Variants in KAZN observed in about 807,000 individuals in gnomAD.
The protein encoded by KAZN is kazrin, periplakin interacting protein.
KAZN carries 40 observed loss-of-function variants against 87.4 expected under a neutral mutation model. The observed-to-expected ratio is 0.46, with a 90% CI of 0.36 to 0.60. The LOEUF (loss-of-function observed/expected upper bound fraction) is 0.60. KAZN is among the 20% of genes least tolerant of loss of function. The pLI, the probability that KAZN is intolerant of heterozygous loss-of-function variation, is 0.00. For missense variants in KAZN, 898 were observed against 1,073.9 expected, an observed-to-expected ratio of 0.84 and a Z score of 2.29; for synonymous variants, 466 against 458.3, an observed-to-expected ratio of 1.02 and a Z score of -0.22.
At chr1:13,966,769 A>AT (rs907312532) in intron 1 of KAZN, among the ~76,000 whole-genome samples, 4 of 152,154 alleles carry the variant, frequency 2.6e-5, no homozygotes, top group African/African-American at 9.7e-5. Flanking sequence ...GGCATTAGGA[A>AT]TTTTTTATAA....
chr1:14,209,184 C>G (rs917050690), intron 2 of KAZN, among the ~76,000 whole-genome samples: 2 of 152,140 alleles, frequency 1.3e-5, no homozygotes, highest in Non-Finnish European at 2.9e-5. Context: ...TGACCCATCA[C>G]AGCAAAGGAA....
intron 2 of KAZN, among the ~76,000 whole-genome samples, chr1:14,328,967 T>C (rs550862510): frequency 6.6e-6 from 1 of 152,056 alleles, no homozygotes; most frequent in Admixed American, 6.6e-5. Flanking sequence ...ATAGAACTCA[T>C]ATTCAGTTCT....
intron 2 of KAZN, among the ~76,000 whole-genome samples, chr1:14,439,535 T>G (rs925400092): frequency 1.3e-5 from 2 of 152,218 alleles, no homozygotes; most frequent in African/African-American, 4.8e-5. Flanking sequence ...TGCTGTTCAC[T>G]TAGAACTTTT....
intron 2 of KAZN, among the ~76,000 whole-genome samples, chr1:14,420,835 A>G (rs1031451320): frequency 1.3e-5 from 2 of 148,854 alleles, no homozygotes; most frequent in African/African-American, 4.9e-5. Context: ...CCAGAACTCA[A>G]GCTGGCCTGG....
intron 2 of KAZN, chr1:14,223,192 G>A (rs2100508539): frequency 6.6e-6 from 1 of 152,312 alleles, no homozygotes; most frequent in Admixed American, 6.5e-5. Context: ...CACAGTCACA[G>A]GACAAAGCAA....
chr1:14,532,886 T>C (rs982096672), intron 2 of KAZN, among the ~76,000 whole-genome samples: 2 of 151,964 alleles, frequency 1.3e-5, no homozygotes, highest in Non-Finnish European at 2.9e-5. Context: ...GACATTTGGG[T>C]TGGTTCCAAG....
At chr1:14,864,070 C>T (rs1557567239) in intron 1 of KAZN, among the ~76,000 whole-genome samples, 1 of 152,212 alleles carries the variant, frequency 6.6e-6, no homozygotes. Context: ...ATCAGCTCGA[C>T]TCAGTGAGAG....
intron 2 of KAZN, among the ~76,000 whole-genome samples, chr1:14,337,893 C>CAAA (rs34909839): frequency 2.0e-5 from 2 of 100,568 alleles, no homozygotes; most frequent in Non-Finnish European, 2.1e-5. Flanking sequence ...GACTCTGTCT[C>CAAA]AAAAAAAAAA....
In KAZN at chr1:14,849,105, C is replaced by T. The variant is rs372289106; in HGVS notation, c.227-111579C>T. Among the ~76,000 whole-genome samples, 46 of 152,206 alleles carry T rather than the reference C, an allele frequency of 3.0e-4. 1 individual carries two copies. In the South Asian group the frequency reaches 8.3e-3, roughly 28 times the overall value. ...CTGAGCTCCCCTTGTTCGGCCACTCCCAGGGGAAAGTAGGATGTTTTGAGT... is the reference window on the plus strand; with the variant it reads ...CTGAGCTCCCCTTGTTCGGCCACTCTCAGGGGAAAGTAGGATGTTTTGAGT... On this transcript the variant is annotated intron_variant, in intron 1 of 14. Transcript: ENST00000376030.
chr1:14,246,982 A>G lies in KAZN; in HGVS notation c.249+66390A>G, dbSNP rs114972067. On this transcript the variant is annotated intron_variant, in intron 2 of 16. Coordinates refer to the KAZN transcript ENST00000636203. ...ATTATTTTCCAAAGTGGTTTTTACCAGTCTATAGTTTGTTCGGTACTATAT... is the reference window on the plus strand; with the variant it reads ...ATTATTTTCCAAAGTGGTTTTTACCGGTCTATAGTTTGTTCGGTACTATAT... 7.1e-3 allele frequency among the ~76,000 whole-genome samples: 1,078 copies of G among 152,286 alleles called. 8 individuals are homozygous for G. Among genetic ancestry groups the G allele is most frequent in the Non-Finnish European group, 0.011 (775 of 68,020 alleles).
chr1:14,526,644 T>C (rs1671881426), intron 2 of KAZN, among the ~76,000 whole-genome samples: 1 of 152,228 alleles, frequency 6.6e-6, no homozygotes, highest in Non-Finnish European at 1.5e-5. Flanking sequence ...ACTTCAGCCA[T>C]TTTCCAGTTT....
At chr1:14,368,785 C>T (rs936858861) in intron 2 of KAZN, among the ~76,000 whole-genome samples, 3 of 152,192 alleles carry the variant, frequency 2.0e-5, no homozygotes, top group African/African-American at 7.2e-5. Flanking sequence ...GCAACTCACT[C>T]AATTTACAGC....
At chr1:14,837,550 A>ATTTTTT (rs1164233693) in intron 1 of KAZN, among the ~76,000 whole-genome samples, 11 of 117,718 alleles carry the variant, frequency 9.3e-5, no homozygotes, top group Non-Finnish European at 1.2e-4. Flanking sequence ...TAGCTGTATA[A>ATTTTTT]TTTTTTTTTT....
intron 2 of KAZN, among the ~76,000 whole-genome samples, chr1:14,370,834 G>T (rs968677986): frequency 1.3e-5 from 2 of 152,142 alleles, no homozygotes; most frequent in African/African-American, 4.8e-5. Context: ...ACGGGCATGT[G>T]CTACCACGCC....
At chr1:15,101,338 C>T (rs1641060305) in intron 10 of KAZN, among the ~76,000 whole-genome samples, 1 of 151,904 alleles carries the variant, frequency 6.6e-6, no homozygotes, top group Admixed American at 6.6e-5. Context: ...CTTTCACCAT[C>T]TCTGCCCTTT....
At chr1:14,708,277 C>T (rs1048716520) in intron 1 of KAZN, among the ~76,000 whole-genome samples, 5 of 152,164 alleles carry the variant, frequency 3.3e-5, no homozygotes, top group Admixed American at 1.3e-4. Flanking sequence ...GGAATCAGGA[C>T]TTTTCACTCT....
chr1:14,199,523 TG>T (rs1490590174), intron 2 of KAZN, among the ~76,000 whole-genome samples: 1 of 152,202 alleles, frequency 6.6e-6, no homozygotes, highest in African/African-American at 2.4e-5. Context: ...CAAGGACTTG[TG>T]GAATTCGTCG....
intron 2 of KAZN, among the ~76,000 whole-genome samples, chr1:14,357,420 C>T (rs1459879655): frequency 3.3e-5 from 5 of 152,172 alleles, no homozygotes; most frequent in African/African-American, 1.2e-4. Context: ...TTATTTCTTT[C>T]TCTTACCTGA....
chr1:15,029,879 G>A (rs994303423), intron 2 of KAZN, among the ~76,000 whole-genome samples: 17 of 152,288 alleles, frequency 1.1e-4, no homozygotes, highest in African/African-American at 2.2e-4. Context: ...TCTTTCCACC[G>A]GAGCAGGAGG....
Sources: gnomAD v4.1 joint callset for allele counts (sites outside exome capture counted in the v4.1 genomes callset) on GRCh38, gnomAD v4.1.1 for gene constraint, MANE v1.5 for transcripts, NCBI Gene and HGNC (gene_info 2026-07-23, HGNC 2026-07-21) for gene names.